The following EPHA5 variants were observed in gnomAD, a reference collection of about 807,000 sequenced individuals.
EPHA5 encodes ephrin type-A receptor 5.
EPHA5 carries 60 observed loss-of-function variants against 105.0 expected under a neutral mutation model. The observed-to-expected ratio is 0.57, with a 90% CI of 0.46 to 0.71. The LOEUF is 0.71. Ranked by LOEUF, EPHA5 falls within the 30% of genes least tolerant of loss-of-function variation. The pLI is 0.00. For synonymous variants in EPHA5, 513 were observed against 449.1 expected (o/e 1.14, Z -1.80); for missense variants, 1,218 against 1,274.7 (o/e 0.96, Z 0.68).
intron 3 of EPHA5, among the ~76,000 whole-genome samples, chr4:65,578,247 C>G (rs949481379): frequency 6.6e-6 from 1 of 151,988 alleles, no homozygotes; most frequent in Non-Finnish European, 1.5e-5. Context: ...TGTCAGGGGG[C>G]GGGGCATACA....
intron 3 of EPHA5, among the ~76,000 whole-genome samples, chr4:65,540,482 T>C (rs1177205100): frequency 2.0e-5 from 3 of 151,396 alleles, no homozygotes; most frequent in African/African-American, 4.8e-5. Flanking sequence ...ATAATTTATA[T>C]GTTGACAATC....
At position 65,321,000 on chromosome 4, in the gene EPHA5, A is replaced by T. The variant is rs1162858469; in HGVS notation, c.*3114T>A. The stretch of plus-strand genomic sequence containing the variant: ...TCAAAATCTTTACATCTTTACATAG[A>T]AATAGTACATTATGAAAAGAGCAAC... On this transcript the variant is annotated 3_prime_UTR_variant, in exon 17 of 17. Transcript: ENST00000613740. 4.3e-6 allele frequency: 1 copy of T among 230,452 alleles called. No homozygotes were observed. The highest frequency in any genetic ancestry group is 5.7e-5 in the Admixed American group (1 of 17,606). The allele number at this position is 230,452 out of a possible 1,614,324, so 14.3% of individuals were successfully genotyped here.
rs147720804 is a variant in EPHA5 at position 65,560,131 on chromosome 4, C to T, written c.910+41510G>A. Among the ~76,000 whole-genome samples the T allele has an allele frequency of 3.6e-3, 549 of 152,192 alleles. 5 individuals carry two copies. The highest frequency in any genetic ancestry group is 0.013 in the African/African-American group (525 of 41,532). ...ATTTATTGAACCCTGGAACCTACAG[C>T]TCATTCTTTTGAATAAAGTTGATTA... is the stretch of plus-strand genomic sequence containing the variant. On this transcript the variant is annotated intron_variant, in intron 3 of 16. Coordinates refer to ENST00000613740, the MANE Select transcript of EPHA5 (RefSeq NM_001281766.3).
At chr4:65,334,258 T>C (rs1490525606) in intron 15 of EPHA5, among the ~76,000 whole-genome samples, 1 of 151,986 alleles carries the variant, frequency 6.6e-6, no homozygotes. Context: ...ACCCAGAGTA[T>C]AAAGGTGAAT....
At chr4:65,666,068 A>G (rs780167532) in intron 1 of EPHA5, among the ~76,000 whole-genome samples, 2 of 152,294 alleles carry the variant, frequency 1.3e-5, no homozygotes, top group Non-Finnish European at 2.9e-5. Flanking sequence ...GCCTGGTTCT[A>G]TTATAAGCCA....
intron 2 of EPHA5, among the ~76,000 whole-genome samples, chr4:65,611,391 T>C (rs1362803475): frequency 1.3e-5 from 2 of 152,090 alleles, no homozygotes; most frequent in African/African-American, 4.8e-5. Flanking sequence ...CAAAGCAGAA[T>C]GAAAGTTCCA....
At chr4:65,555,421 A>T (rs1360291987) in intron 3 of EPHA5, among the ~76,000 whole-genome samples, 1 of 152,064 alleles carries the variant, frequency 6.6e-6, no homozygotes, top group Non-Finnish European at 1.5e-5. Context: ...TGAGTATCAG[A>T]TCAAAACAAA....
Position 65,336,118 on chromosome 4 carries a change from T to G in EPHA5, c.2603A>C (p.Lys868Thr). ...CAGACGATAGCCTTCCTCTACCGCT[T>G]TAATCACCTGTATAAAGCAAAACAG... ...YWEMTNQDVI[K>T]AVEEGYRLPS... Residue 868 changes from lysine to threonine, a missense_variant, in exon 15 of 17, where the codon AAA (lysine) becomes ACA (threonine). Transcript: ENST00000613740. 6.2e-7 allele frequency: 1 copy of G among 1,609,846 alleles called. No individual in the cohort carries two copies. Among genetic ancestry groups the G allele is most frequent in the Non-Finnish European group, 8.5e-7 (1 of 1,177,888 alleles).
rs902548484 is a variant in EPHA5, at chr4:65,321,816, T to C, written c.*2298A>G. 1 of 227,446 alleles carries C rather than the reference T, an allele frequency of 4.4e-6. No individual in the cohort carries two copies. 14.1% of individuals were successfully genotyped at this position (227,446 alleles called of 1,614,324 possible). On this transcript the variant is annotated 3_prime_UTR_variant, in exon 17 of 17. Coordinates refer to ENST00000613740, the MANE Select transcript of EPHA5 (RefSeq NM_001281766.3). ...GAAAACAATGTAGAAAATATCTTTG[T>C]TATGTCTAAGCAATTGTGGCAAGTT...
At chr4:65,626,087 C>A (rs1254964763) in intron 2 of EPHA5, among the ~76,000 whole-genome samples, 4 of 127,222 alleles carry the variant, frequency 3.1e-5, no homozygotes, top group African/African-American at 9.2e-5. Context: ...GGTGACAGAG[C>A]GACACTCCGT....
intron 5 of EPHA5, among the ~76,000 whole-genome samples, chr4:65,473,970 T>C (rs1381384997): frequency 1.3e-5 from 2 of 151,264 alleles, no homozygotes; most frequent in Admixed American, 6.6e-5. Flanking sequence ...AAATGAATTC[T>C]TTTTACACTT....
intron 13 of EPHA5, among the ~76,000 whole-genome samples, chr4:65,348,659 G>GAGATAT (rs1553896614): frequency 1.7e-5 from 1 of 60,228 alleles, no homozygotes; most frequent in African/African-American, 5.9e-5. Flanking sequence ...AAACATTGGA[G>GAGATAT]ATATATATAT....
intron 2 of EPHA5, among the ~76,000 whole-genome samples, chr4:65,640,290 T>G (rs991277340): frequency 2.2e-5 from 3 of 138,948 alleles, no homozygotes. Flanking sequence ...TTCTTTTTTT[T>G]TTTTTTTTTT....
chr4:65,391,611 G>T (rs1029940548), intron 8 of EPHA5, among the ~76,000 whole-genome samples: 3 of 152,078 alleles, frequency 2.0e-5, no homozygotes, highest in Non-Finnish European at 4.4e-5. Context: ...TGGGTATCAG[G>T]TTCCTGTGAA....
intron 3 of EPHA5, among the ~76,000 whole-genome samples, chr4:65,593,703 A>T (rs1221434481): frequency 6.6e-6 from 1 of 152,186 alleles, no homozygotes; most frequent in Admixed American, 6.5e-5. Flanking sequence ...GCAGGGCTCA[A>T]TCTGGTTTTG....
chr4:65,517,639 A>T (rs1005269203), intron 3 of EPHA5, among the ~76,000 whole-genome samples: 1 of 151,762 alleles, frequency 6.6e-6, no homozygotes, highest in Non-Finnish European at 1.5e-5. Flanking sequence ...AATAATTTTC[A>T]TATTCAGCTT....
intron 3 of EPHA5, among the ~76,000 whole-genome samples, chr4:65,590,075 T>C (rs1742490650): frequency 6.6e-6 from 1 of 152,228 alleles, no homozygotes; most frequent in South Asian, 2.1e-4. Flanking sequence ...TCATTCTCCA[T>C]GTCTGATTCC....
chr4:65,414,782 T>TC (rs1723235907), intron 6 of EPHA5, among the ~76,000 whole-genome samples: 1 of 146,972 alleles, frequency 6.8e-6, no homozygotes, highest in African/African-American at 2.5e-5. Flanking sequence ...TGTGCTTTTT[T>TC]TCCCTCCAAT....
intron 3 of EPHA5, among the ~76,000 whole-genome samples, chr4:65,518,430 C>G (rs1460000024): frequency 6.6e-6 from 1 of 151,818 alleles, no homozygotes; most frequent in Non-Finnish European, 1.5e-5. Flanking sequence ...CACACACACA[C>G]ACACCCACAC....
Sources: gnomAD v4.1 joint callset for allele counts (sites outside exome capture counted in the v4.1 genomes callset) on GRCh38, gnomAD v4.1.1 for gene constraint, MANE v1.5 for transcripts, NCBI Gene and HGNC (gene_info 2026-07-23, HGNC 2026-07-21) for gene names.